NET1: variants seen among roughly 807,000 people sequenced by gnomAD.
NET1 encodes neuroepithelial cell-transforming gene 1 protein.
A neutral mutation model predicts 61.1 loss-of-function variants in NET1; 42 were observed. The ratio of observed to expected loss-of-function variants is 0.69; its 90% CI spans 0.54 to 0.89. The LOEUF is 0.89. NET1 is among the 40% of genes least tolerant of loss of function. The probability of loss-of-function intolerance (pLI) is 0.00; values close to 1 mark genes in which losing one functional copy is unlikely to be tolerated. For synonymous variants in NET1, 254 were observed against 281.8 expected (o/e 0.90, Z 0.99); for missense variants, 654 against 747.3 (o/e 0.88, Z 1.46).
chr10:5,414,745 G>C (rs529966554), intron 1 of NET1, among the ~76,000 whole-genome samples: 1 of 152,204 alleles, frequency 6.6e-6, no homozygotes, highest in Non-Finnish European at 1.5e-5. Flanking sequence ...GACAGTAGAG[G>C]AGAAAAATGG....
chr10:5,425,243 G>T (rs796897654), intron 1 of NET1, among the ~76,000 whole-genome samples: 9 of 139,498 alleles, frequency 6.5e-5, no homozygotes, highest in African/African-American at 2.4e-4. Context: ...AGTTTCCTTT[G>T]TGTTCCTTGT....
Position 5,424,899 on chromosome 10 carries a change from A to G in NET1, c.129-1756A>G, listed in dbSNP as rs1284764704. On this transcript the variant is annotated intron_variant, in intron 1 of 11. Coordinates refer to ENST00000355029, the MANE Select transcript of NET1 (RefSeq NM_001047160.3). The surrounding 1 kb of genome is among the most constrained non-coding windows in gnomAD (Gnocchi z 6.1). ...TGCCAGAGCCCCAGTCATCTTTTGTAAGCAATATTAGAGCTGCCTCCCAAC... is the reference window on the plus strand; with the variant it reads ...TGCCAGAGCCCCAGTCATCTTTTGTGAGCAATATTAGAGCTGCCTCCCAAC... Among the ~76,000 whole-genome samples, 1 of 152,150 alleles carries G rather than the reference A, an allele frequency of 6.6e-6. No homozygotes were observed. The highest frequency in any genetic ancestry group is 1.5e-5 in the Non-Finnish European group (1 of 68,020).
At chr10:5,429,783 A>G (rs113765575) in intron 3 of NET1, among the ~76,000 whole-genome samples, 1,777 of 152,344 alleles carry the variant, frequency 0.012, 16 homozygotes, top group Non-Finnish European at 0.018. Context: ...ATGAAATTGT[A>G]CTTAAGTCCA....
rs922721191 is a variant in NET1 at position 5,451,543 on chromosome 10, C to T, written c.256-287C>T. ...AAAAAAAGTTATTCCCTGCATTAAACTGAAAAGTTCATTAGATTTTAGGAT... is the reference window on the plus strand; with the variant it reads ...AAAAAAAGTTATTCCCTGCATTAAATTGAAAAGTTCATTAGATTTTAGGAT... On this transcript the variant is annotated intron_variant, in intron 3 of 11. Transcript: ENST00000355029. This position sits in a 1 kb window ranked among gnomAD's most constrained non-coding sequence, Gnocchi z 6.1. Among the ~76,000 whole-genome samples, 177 of 149,810 alleles carry T rather than the reference C, an allele frequency of 1.2e-3. No individual in the cohort carries two copies. Among genetic ancestry groups the T allele is most frequent in the African/African-American group, 4.1e-3 (168 of 40,808 alleles).
Position 5,458,837 on chromosome 10 carries a change from C to T in NET1, c.*1843C>T, listed in dbSNP as rs1475771011. Among the ~76,000 whole-genome samples the T allele has an allele frequency of 6.6e-6, 1 of 152,136 alleles. No homozygotes were observed. The highest frequency in any genetic ancestry group is 1.5e-5 in the Non-Finnish European group (1 of 68,024). On this transcript the variant is annotated 3_prime_UTR_variant, in exon 12 of 12. Transcript: ENST00000355029. The surrounding 1 kb of genome is among the most constrained non-coding windows in gnomAD (Gnocchi z 4.5). ...CACCAATGATTGTGATCTGCAACAC[C>T]AGAAAGCAAGATTTCTAATCATTTC...
At position 5,457,081 on chromosome 10, in the gene NET1, G is replaced by A. The variant is rs1483765471; in HGVS notation, c.*87G>A. 4 of 1,337,480 alleles carry A rather than the reference G, an allele frequency of 3.0e-6. No homozygotes were observed. The highest frequency in any genetic ancestry group is 4.0e-6 in the Non-Finnish European group (4 of 1,000,154). The allele number at this position is 1,337,480 out of a possible 1,614,324, so 82.9% of individuals were successfully genotyped here. On this transcript the variant is annotated 3_prime_UTR_variant, in exon 12 of 12. Transcript: ENST00000355029. The surrounding 1 kb of genome is among the most constrained non-coding windows in gnomAD (Gnocchi z 5.4). Reference sequence around the variant, plus strand: ...TTTTCTCGTAAGGGGAGCATCATAGGGTTACTTTATACCAGTTGTAACATT... The same window carrying A: ...TTTTCTCGTAAGGGGAGCATCATAGAGTTACTTTATACCAGTTGTAACATT...
At chr10:5,432,680 A>G (rs1832367726) in intron 3 of NET1, among the ~76,000 whole-genome samples, 4 of 150,272 alleles carry the variant, frequency 2.7e-5, no homozygotes, top group Admixed American at 2.0e-4. Flanking sequence ...CATATTCCTG[A>G]CTCTTCTACC....
chr10:5,418,878 TA>T (rs1312025499), intron 1 of NET1, among the ~76,000 whole-genome samples: 4 of 152,232 alleles, frequency 2.6e-5, no homozygotes, highest in African/African-American at 7.2e-5. Context: ...TCACTATCAT[TA>T]ATCTCAAATT....
In NET1 at chr10:5,412,561, C is replaced by T; in HGVS notation, c.-132C>T. ...CGCTGCTCAGCCGCCATTTTCAAAT[C>T]CCCGGATGACGGCGGTGGCGGCTGC... is the stretch of plus-strand genomic sequence containing the variant. On this transcript the variant is annotated 5_prime_UTR_variant, in exon 1 of 12. Transcript: ENST00000355029. The surrounding 1 kb of genome is among the most constrained non-coding windows in gnomAD (Gnocchi z 6.5). 3 of 994,274 alleles carry T rather than the reference C, an allele frequency of 3.0e-6. No homozygotes were observed. The highest frequency in any genetic ancestry group is 4.1e-6 in the Non-Finnish European group (3 of 726,064). 61.6% of individuals were successfully genotyped at this position (994,274 alleles called of 1,614,324 possible).
Position 5,421,422 on chromosome 10 carries a change from A to T in NET1, c.129-5233A>T, listed in dbSNP as rs1009910101. 6.6e-6 allele frequency among the ~76,000 whole-genome samples: 1 copy of T among 152,226 alleles called. No individual in the cohort carries two copies. Among genetic ancestry groups the T allele is most frequent in the Non-Finnish European group, 1.5e-5 (1 of 68,046 alleles). On this transcript the variant is annotated intron_variant, in intron 1 of 11. Coordinates refer to ENST00000355029, the MANE Select transcript of NET1 (RefSeq NM_001047160.3). This position sits in a 1 kb window ranked among gnomAD's most constrained non-coding sequence, Gnocchi z 4.2. ...AAAATAATAGTATGACCTATGATCTACCAACAGTGATAAGGCTTACTCTTT... is the reference window on the plus strand; with the variant it reads ...AAAATAATAGTATGACCTATGATCTTCCAACAGTGATAAGGCTTACTCTTT...
Position 5,446,939 on chromosome 10 carries a change from A to G in NET1, c.256-4891A>G. On this transcript the variant is annotated intron_variant, in intron 3 of 11. Coordinates refer to ENST00000355029, the MANE Select transcript of NET1 (RefSeq NM_001047160.3). This position sits in a 1 kb window ranked among gnomAD's most constrained non-coding sequence, Gnocchi z 5.0. ...TTTTAAAATTTTTAACAAGGTATTAACAGTATAATTTTAAACTTTTGATCT... is the reference window on the plus strand; with the variant it reads ...TTTTAAAATTTTTAACAAGGTATTAGCAGTATAATTTTAAACTTTTGATCT... The G allele has an allele frequency of 8.9e-7, 1 of 1,118,290 alleles. No homozygotes were observed. Among genetic ancestry groups the G allele is most frequent in the Non-Finnish European group, 1.3e-6 (1 of 789,556 alleles). The allele number at this position is 1,118,290 out of a possible 1,614,324, so 69.3% of individuals were successfully genotyped here.
chr10:5,415,740 T>C lies in NET1; in HGVS notation c.128+2920T>C, dbSNP rs1261688570. Among the ~76,000 whole-genome samples the C allele has an allele frequency of 6.6e-6, 1 of 152,128 alleles. No homozygotes were observed. Among genetic ancestry groups the C allele is most frequent in the Non-Finnish European group, 1.5e-5 (1 of 68,002 alleles). On this transcript the variant is annotated intron_variant, in intron 1 of 11. Coordinates refer to ENST00000355029, the MANE Select transcript of NET1 (RefSeq NM_001047160.3). This position sits in a 1 kb window ranked among gnomAD's most constrained non-coding sequence, Gnocchi z 4.7. The stretch of plus-strand genomic sequence containing the variant: ...AGGCGTGAGCCACCGCACCTGGCCC[T>C]GTTCATTTTTAAATTTCTTTTTTAT...
chr10:5,454,144 G>A lies in NET1; in HGVS notation c.769-121G>A, dbSNP rs1832757136. ...CTTCCATTATTATCTGCCAGAAAAT[G>A]TCCACAGCTTGTTAAAACTCTCAAG... On this transcript the variant is annotated intron_variant, in intron 8 of 11. Transcript: ENST00000355029. This position sits in a 1 kb window ranked among gnomAD's most constrained non-coding sequence, Gnocchi z 8.1. The A allele has an allele frequency of 9.8e-7, 1 of 1,018,380 alleles. No homozygotes were observed. Among genetic ancestry groups the A allele is most frequent in the Admixed American group, 2.4e-5 (1 of 42,494 alleles). The allele number at this position is 1,018,380 out of a possible 1,614,324, so 63.1% of individuals were successfully genotyped here.
rs1293512731 is a variant in NET1, at chr10:5,421,229, A to G, written c.129-5426A>G. On this transcript the variant is annotated intron_variant, in intron 1 of 11. Transcript: ENST00000355029. The surrounding 1 kb of genome is among the most constrained non-coding windows in gnomAD (Gnocchi z 4.2). ...CTATGTCTAAGGTCCTGAAAATTGG[A>G]CACAAGTAATGTTTAAATAATTTTA... 6.6e-6 allele frequency among the ~76,000 whole-genome samples: 1 copy of G among 152,214 alleles called. No homozygotes were observed. Among genetic ancestry groups the G allele is most frequent in the African/African-American group, 2.4e-5 (1 of 41,446 alleles).
rs1226214091 is a variant in NET1, at chr10:5,456,879, G to T, written c.1676G>T (p.Gly559Val). 9 of 1,613,990 alleles carry T rather than the reference G, an allele frequency of 5.6e-6. No individual in the cohort carries two copies. The highest frequency in any genetic ancestry group is 7.6e-6 in the Non-Finnish European group (9 of 1,180,008). ...GAAAACGCTTACAGATGTGGCTCTG[G>T]CATGCAGATGGCAGAGGACAGCAAG... ...VDENAYRCGS[G>V]MQMAEDSKSL... Residue 559 changes from glycine to valine, a missense_variant, in exon 12 of 12, where the codon GGC becomes GTC. Gly to Val is a moderately radical substitution (Grantham distance 109). Coordinates refer to ENST00000355029, the MANE Select transcript of NET1 (RefSeq NM_001047160.3). The surrounding 1 kb of genome is among the most constrained non-coding windows in gnomAD (Gnocchi z 7.0).
chr10:5,456,147 G>C lies in NET1; in HGVS notation c.1258G>C (p.Glu420Gln). 1 of 1,614,136 alleles carries C rather than the reference G, an allele frequency of 6.2e-7. No individual in the cohort carries two copies. The highest frequency in any genetic ancestry group is 2.2e-5 in the East Asian group (1 of 44,882). Reference sequence around the variant, plus strand: ...TCTGACTCGGCCCGTCACACGGAACGAACGGCACTCTTACCAGGTTTACCG... The same window carrying C: ...TCTGACTCGGCCCGTCACACGGAACCAACGGCACTCTTACCAGGTTTACCG... The part of the protein sequence containing the change: ...LVLTRPVTRN[E>Q]RHSYQVYRQP... The change falls in exon 11 of 12, where the codon GAA (glutamate) becomes CAA (glutamine). Residue 420 changes from glutamate (E) to glutamine (Q), a missense_variant. Coordinates refer to ENST00000355029, the MANE Select transcript of NET1 (RefSeq NM_001047160.3). This position sits in a 1 kb window ranked among gnomAD's most constrained non-coding sequence, Gnocchi z 7.0.
At chr10:5,428,889 A>ATT (rs71388434) in intron 2 of NET1, among the ~76,000 whole-genome samples, 2,187 of 140,052 alleles carry the variant, frequency 0.016, 21 homozygotes, top group Middle Eastern at 0.021. Flanking sequence ...CGCGCAGCTA[A>ATT]TTTTTTTTTT....
rs542672264 is a variant in NET1, at chr10:5,448,206, T to C, written c.256-3624T>C. 2.0e-5 allele frequency among the ~76,000 whole-genome samples: 3 copies of C among 152,338 alleles called. No homozygotes were observed. In the South Asian group the frequency reaches 6.2e-4, roughly 32 times the overall value. On this transcript the variant is annotated intron_variant, in intron 3 of 11. Transcript: ENST00000355029. ...ATTTTTTTTATTCAGTGTCTTGATA[T>C]GATTGGTTATAGAAGAGACCCTCCT...
chr10:5,423,877 T>C lies in NET1; in HGVS notation c.129-2778T>C, dbSNP rs538324349. Among the ~76,000 whole-genome samples, 279 of 152,318 alleles carry C rather than the reference T, an allele frequency of 1.8e-3. No homozygotes were observed. Among genetic ancestry groups the C allele is most frequent in the African/African-American group, 6.0e-3 (251 of 41,568 alleles). ...TCTCACATCCTTTGTGGGCACGGTT[T>C]GTTTTTTGGGTTCCTTTTTTCCATG... On this transcript the variant is annotated intron_variant, in intron 1 of 11. Coordinates refer to ENST00000355029, the MANE Select transcript of NET1 (RefSeq NM_001047160.3). The surrounding 1 kb of genome is among the most constrained non-coding windows in gnomAD (Gnocchi z 4.4).
Sources: gnomAD v4.1 joint callset for allele counts (sites outside exome capture counted in the v4.1 genomes callset) on GRCh38, gnomAD v4.1.1 for gene constraint, Gnocchi (gnomAD v3.1) non-coding constraint, MANE v1.5 for transcripts, NCBI Gene and HGNC (gene_info 2026-07-23, HGNC 2026-07-21) for gene names.